Variants in STPG2 observed in about 807,000 individuals in gnomAD.
STPG2 encodes the protein sperm tail PG-rich repeat containing 2, also known as sperm-tail PG-rich repeat-containing protein 2.
STPG2 carries 56 observed loss-of-function variants against 54.2 expected under a neutral mutation model. The ratio of observed to expected loss-of-function variants is 1.03; its 90% confidence interval spans 0.83 to 1.29. STPG2 has a LOEUF of 1.29. Among genes scored for constraint, STPG2 ranks in the 50% most tolerant of loss-of-function variants. STPG2 has a pLI of 0.00. For synonymous variants in STPG2, 200 were observed against 181.8 expected, an observed-to-expected ratio of 1.10 and a Z score of -0.81; for missense variants, 596 against 544.9, an observed-to-expected ratio of 1.09 and a Z score of -0.93.
intron 9 of STPG2, among the ~76,000 whole-genome samples, chr4:97,744,702 A>G (rs1281285100): frequency 6.6e-6 from 1 of 151,302 alleles, no homozygotes. Flanking sequence ...AATTAACAAC[A>G]ATAACTAATA....
chr4:97,993,950 A>C (rs933290189), intron 5 of STPG2, among the ~76,000 whole-genome samples: 7 of 152,090 alleles, frequency 4.6e-5, no homozygotes, highest in Non-Finnish European at 1.5e-5. Flanking sequence ...TTCATTTCTA[A>C]TTAAGCTTAT....
chr4:97,738,928 C>T (rs1197963092), intron 9 of STPG2, among the ~76,000 whole-genome samples: 1 of 152,036 alleles, frequency 6.6e-6, no homozygotes, highest in Admixed American at 6.6e-5. Flanking sequence ...CAGCACCGCA[C>T]CACACCTATT....
intron 10 of STPG2, among the ~76,000 whole-genome samples, chr4:97,563,269 C>T (rs1560661817): frequency 6.6e-6 from 1 of 151,770 alleles, no homozygotes; most frequent in Non-Finnish European, 1.5e-5. Flanking sequence ...GTTTGTATTT[C>T]TGTGGGATCA....
intron 7 of STPG2, among the ~76,000 whole-genome samples, chr4:97,952,514 G>A (rs1255520579): frequency 2.6e-5 from 4 of 152,142 alleles, no homozygotes; most frequent in African/African-American, 7.2e-5. Flanking sequence ...GAGTCCCTGA[G>A]AGCCAGGCCA....
chr4:97,726,134 C>A (rs1394486870), intron 9 of STPG2, among the ~76,000 whole-genome samples: 1 of 151,830 alleles, frequency 6.6e-6, no homozygotes, highest in Non-Finnish European at 1.5e-5. Context: ...GATCAATGGG[C>A]TCCAGAAAAG....
intron 8 of STPG2, among the ~76,000 whole-genome samples, chr4:97,931,508 A>C (rs998658315): frequency 6.6e-6 from 1 of 152,216 alleles, no homozygotes; most frequent in African/African-American, 2.4e-5. Context: ...ATGTTGAAAC[A>C]ACCTTGAATC....
At chr4:97,692,169 T>C (rs181734673) in intron 10 of STPG2, among the ~76,000 whole-genome samples, 19 of 151,640 alleles carry the variant, frequency 1.3e-4, no homozygotes, top group African/African-American at 4.4e-4. Context: ...CAGCAGTGGA[T>C]CAAAACCAAG....
rs1014073187 is a variant in STPG2 at position 97,454,438 on chromosome 4, G to A, written c.462+258261C>T. Among the ~76,000 whole-genome samples the A allele has an allele frequency of 9.0e-5, 13 of 143,940 alleles. No homozygotes were observed. In the South Asian group the frequency reaches 9.2e-4, roughly 10 times the overall value. The allele number at this position is 143,940 out of a possible 152,430, so 94.4% of individuals were successfully genotyped here. A position where few individuals can be genotyped will look rare whatever the true frequency, so the allele number is the denominator to read the frequency against. On this transcript the variant is annotated intron_variant, in intron 4 of 4. Coordinates refer to the STPG2 transcript ENST00000522676. ...TGAGGCAGGAGAATGGCGTGAACCC[G>A]GGAAGCAGAGCTTGCAGTGAGCCGA...
chr4:98,075,026 C>T (rs1470462481), intron 5 of STPG2, among the ~76,000 whole-genome samples: 4 of 152,136 alleles, frequency 2.6e-5, no homozygotes, highest in Non-Finnish European at 5.9e-5. Context: ...GGCAGAACAT[C>T]TTAGGTCCAT....
intron 8 of STPG2, among the ~76,000 whole-genome samples, chr4:97,934,399 T>C (rs1732668986): frequency 6.6e-6 from 1 of 152,184 alleles, no homozygotes; most frequent in Non-Finnish European, 1.5e-5. Context: ...AATACTATGT[T>C]GAAAAGGAGT....
At position 97,485,415 on chromosome 4, in the gene STPG2, C is replaced by T. The variant is rs144000481; in HGVS notation, c.462+227284G>A. Among the ~76,000 whole-genome samples, 908 of 151,774 alleles carry T rather than the reference C, an allele frequency of 6.0e-3. 4 individuals carry two copies. Among genetic ancestry groups the T allele is most frequent in the African/African-American group, 0.021 (870 of 41,458 alleles). ...CAGTAGCTCTTCTATACACCAACAGCGGCCAAGTGGAGAATCAAATGAAGA... is the reference window on the plus strand; with the variant it reads ...CAGTAGCTCTTCTATACACCAACAGTGGCCAAGTGGAGAATCAAATGAAGA... On this transcript the variant is annotated intron_variant, in intron 4 of 4. Coordinates refer to the STPG2 transcript ENST00000522676.
At chr4:97,874,906 C>A (rs1396988680) in intron 8 of STPG2, among the ~76,000 whole-genome samples, 2 of 151,868 alleles carry the variant, frequency 1.3e-5, no homozygotes, top group African/African-American at 4.8e-5. Flanking sequence ...CAAGAAAACT[C>A]CTTGACCTTG....
chr4:97,720,772 G>A (rs1444509308), intron 9 of STPG2, among the ~76,000 whole-genome samples: 1 of 151,928 alleles, frequency 6.6e-6, no homozygotes, highest in Non-Finnish European at 1.5e-5. Context: ...TAAAAATCAA[G>A]TTGTCTTCAA....
intron 9 of STPG2, among the ~76,000 whole-genome samples, chr4:97,823,243 C>T (rs1605258): frequency 2.0e-3 from 298 of 152,312 alleles, no homozygotes; most frequent in African/African-American, 7.0e-3. Context: ...AAGAAGTCAA[C>T]GCCTGGCTTC....
At chr4:97,944,328 CT>C (rs1353620207) in intron 7 of STPG2, among the ~76,000 whole-genome samples, 1 of 151,686 alleles carries the variant, frequency 6.6e-6, no homozygotes, top group East Asian at 1.9e-4. Context: ...GTATAAGATA[CT>C]TAGCCAATTA....
At chr4:97,454,727 C>T (rs895770436) in intron 4 of STPG2, among the ~76,000 whole-genome samples, 2 of 151,650 alleles carry the variant, frequency 1.3e-5, no homozygotes, top group Non-Finnish European at 2.9e-5. Context: ...GAATATCATG[C>T]CTAGAATTTT....
intron 4 of STPG2, among the ~76,000 whole-genome samples, chr4:97,524,423 G>T (rs1469674275): frequency 6.6e-6 from 1 of 151,862 alleles, no homozygotes; most frequent in Non-Finnish European, 1.5e-5. Context: ...AAAATATCTT[G>T]ATGAGCAGGA....
At chr4:98,108,556 C>T (rs1249547038) in intron 4 of STPG2, among the ~76,000 whole-genome samples, 1 of 151,972 alleles carries the variant, frequency 6.6e-6, no homozygotes, top group Non-Finnish European at 1.5e-5. Context: ...AAGATGAGAG[C>T]CAGGGATAAA....
intron 8 of STPG2, among the ~76,000 whole-genome samples, chr4:97,918,138 T>C (rs1458102558): frequency 1.3e-5 from 2 of 151,910 alleles, no homozygotes; most frequent in Non-Finnish European, 2.9e-5. Flanking sequence ...AGTAATTATA[T>C]TCATAAAAGA....
Sources: allele counts gnomAD v4.1 joint callset (sites outside exome capture counted in the v4.1 genomes callset), GRCh38; gene constraint gnomAD v4.1.1; transcripts MANE v1.5; gene names NCBI Gene and HGNC (gene_info 2026-07-23, HGNC 2026-07-21).